SLC25A25: variants seen among roughly 807,000 people sequenced by gnomAD.
SLC25A25 encodes solute carrier family 25 member 25, also known as mitochondrial adenyl nucleotide antiporter SLC25A25.
In SLC25A25, 32 loss-of-function variants were observed where a neutral mutation model predicts 57.7. The observed-to-expected ratio is 0.55, with a 90% confidence interval of 0.42 to 0.74. The LOEUF is 0.74. Among genes scored for constraint, SLC25A25 ranks in the 30% least tolerant of loss-of-function variants. The pLI is 0.00. For missense variants in SLC25A25, 556 were observed against 701.3 expected, an observed-to-expected ratio of 0.79 and a Z score of 2.34; for synonymous variants, 306 against 291.2, an observed-to-expected ratio of 1.05 and a Z score of -0.52.
chr9:128,084,602 G>A (rs1300149166), intron 1 of SLC25A25, among the ~76,000 whole-genome samples: 1 of 13,706 alleles, frequency 7.3e-5, no homozygotes, highest in African/African-American at 9.7e-5. Context: ...CTGAACCAAT[G>A]TGTACACCTT....
intron 1 of SLC25A25, among the ~76,000 whole-genome samples, chr9:128,097,822 G>C (rs1833606960): frequency 6.6e-6 from 1 of 152,214 alleles, no homozygotes; most frequent in South Asian, 2.1e-4. Flanking sequence ...GGTGAAGGCT[G>C]GTGCTCACAT....
chr9:128,101,924 G>A lies in SLC25A25; in HGVS notation c.477-156G>A, dbSNP rs186144244. 2.0e-4 allele frequency among the ~76,000 whole-genome samples: 31 copies of A among 152,328 alleles called. No homozygotes were observed. The East Asian group carries it at 3.1e-3, about 15-fold the overall frequency. ...GCGGTCTGAACACTGGCTGGTCCTC[G>A]GGGACAGCAGCCCTGGGCTCAGCTG... On this transcript the variant is annotated intron_variant, in intron 3 of 10. Coordinates refer to ENST00000373069, the MANE Select transcript of SLC25A25 (RefSeq NM_001330988.2). This position sits in a 1 kb window ranked among gnomAD's most constrained non-coding sequence, Gnocchi z 4.9.
chr9:128,107,809 G>GGCCCCT lies in SLC25A25; in HGVS notation c.*370_*375dup. 1 of 406,676 alleles carries GGCCCCT rather than the reference G, an allele frequency of 2.5e-6. No homozygotes were observed. Among genetic ancestry groups the GGCCCCT allele is most frequent in the East Asian group, 3.5e-5 (1 of 28,266 alleles). The allele number at this position is 406,676 out of a possible 1,614,324, so 25.2% of individuals were successfully genotyped here. A position where few individuals can be genotyped will look rare whatever the true frequency, so the allele number is the denominator to read the frequency against. Reference sequence around the variant, plus strand: ...ACCCTTGCAGCCAGCTGTTGGCCACGGCCCCTGCCCTCTGGTCTGCCGTGC... The same window carrying GGCCCCT: ...ACCCTTGCAGCCAGCTGTTGGCCACGGCCCCTGCCCCTGCCCTCTGGTCTGCCGTGC... On this transcript the variant is annotated 3_prime_UTR_variant, in exon 11 of 11. Coordinates refer to ENST00000373069, the MANE Select transcript of SLC25A25 (RefSeq NM_001330988.2).
At position 128,101,961 on chromosome 9, in the gene SLC25A25, T is replaced by C; in HGVS notation, c.477-119T>C. The C allele has an allele frequency of 8.7e-7, 1 of 1,155,092 alleles. No homozygotes were observed. The highest frequency in any genetic ancestry group is 1.2e-6 in the Non-Finnish European group (1 of 807,056). 71.6% of individuals were successfully genotyped at this position (1,155,092 alleles called of 1,614,324 possible). A position where few individuals can be genotyped will look rare whatever the true frequency, so the allele number is the denominator to read the frequency against. On this transcript the variant is annotated intron_variant, in intron 3 of 10. Transcript: ENST00000373069. This position sits in a 1 kb window ranked among gnomAD's most constrained non-coding sequence, Gnocchi z 4.9. ...CCTGGGCTCAGCTGCTGTGGCGGGC[T>C]CGTCTCGTGCCGTGCTGTGCCCCTG...
At chr9:128,084,579 C>T (rs10760532) in intron 1 of SLC25A25, among the ~76,000 whole-genome samples, 107,448 of 151,922 alleles carry the variant, frequency 0.71, 41,108 homozygotes, top group Non-Finnish European at 0.85. Context: ...TCAAGTTGTC[C>T]CACCTTACCG....
intron 1 of SLC25A25, among the ~76,000 whole-genome samples, chr9:128,080,903 G>A (rs1235695220): frequency 6.6e-6 from 1 of 152,192 alleles, no homozygotes; most frequent in Non-Finnish European, 1.5e-5. Context: ...TCCTATAAAG[G>A]CATTGTAGGG....
intron 1 of SLC25A25, among the ~76,000 whole-genome samples, chr9:128,077,250 G>A (rs1833034926): frequency 1.3e-5 from 2 of 152,070 alleles, no homozygotes; most frequent in Non-Finnish European, 2.9e-5. Flanking sequence ...AGTCGCGGCC[G>A]GGCGCGGTGG....
intron 1 of SLC25A25, among the ~76,000 whole-genome samples, chr9:128,084,121 A>G (rs888736658): frequency 6.6e-6 from 1 of 152,126 alleles, no homozygotes; most frequent in Non-Finnish European, 1.5e-5. Flanking sequence ...AACCAACTGA[A>G]TGGACCTCAG....
At chr9:128,070,011 G>A (rs1435037924) in intron 1 of SLC25A25, among the ~76,000 whole-genome samples, 1 of 145,698 alleles carries the variant, frequency 6.9e-6, no homozygotes, top group Non-Finnish European at 1.5e-5. Context: ...TCCGCCTCCC[G>A]GGTTCACGCC....
chr9:128,106,933 C>T (rs751041885), intron 9 of SLC25A25, 96 bp from the exon 10 acceptor site: 219 of 1,452,916 alleles, frequency 1.5e-4, no homozygotes, highest in Non-Finnish European at 1.8e-4. Flanking sequence ...GCGCGGCAGT[C>T]GGGTTCCAGT....
chr9:128,100,221 T>C lies in SLC25A25; in HGVS notation c.262-875T>C, dbSNP rs1833732651. ...AGGGGGGTAAGTGGGTTGCTAGAAG[T>C]AAAGCATTTGGCACGCCCTGCGGCC... On this transcript the variant is annotated intron_variant, in intron 1 of 10. Coordinates refer to ENST00000373069, the MANE Select transcript of SLC25A25 (RefSeq NM_001330988.2). Among the ~76,000 whole-genome samples, 5 of 152,056 alleles carry C rather than the reference T, an allele frequency of 3.3e-5. No individual in the cohort carries two copies. The South Asian group carries it at 8.3e-4, about 25-fold the overall frequency.
chr9:128,105,926 C>T (rs1834012200), intron 7 of SLC25A25, 45 bp downstream of exon 7: 4 of 1,598,152 alleles, frequency 2.5e-6, no homozygotes, highest in Non-Finnish European at 3.4e-6. Flanking sequence ...AGTGGCTACT[C>T]ACTGCCTGGA....
At chr9:128,094,952 G>T (rs1833516479) in intron 1 of SLC25A25, among the ~76,000 whole-genome samples, 1 of 152,188 alleles carries the variant, frequency 6.6e-6, no homozygotes, top group South Asian at 2.1e-4. Flanking sequence ...ACAGATGAGG[G>T]TCTGTGCCAC....
chr9:128,092,166 G>A, intron 1 of SLC25A25: 2 of 1,528,482 alleles, frequency 1.3e-6, no homozygotes, highest in South Asian at 2.5e-5. Context: ...AACGAGTGTG[G>A]GGAGGAAGGG....
At position 128,099,268 on chromosome 9, in the gene SLC25A25, C is replaced by A. The variant is rs547289264; in HGVS notation, c.262-1828C>A. The A allele has an allele frequency of 1.4e-5, 18 of 1,289,014 alleles. No homozygotes were observed. In the African/African-American group the frequency reaches 1.7e-4, roughly 12 times the overall value. 79.8% of individuals were successfully genotyped at this position (1,289,014 alleles called of 1,614,324 possible). The stretch of plus-strand genomic sequence containing the variant: ...TCTCGGTTAATCAGTTTCCCTGCTA[C>A]CCCCAGTGCCCACTGTGCACCAAGG... On this transcript the variant is annotated intron_variant, in intron 1 of 10. Transcript: ENST00000373069. This position sits in a 1 kb window ranked among gnomAD's most constrained non-coding sequence, Gnocchi z 6.8.
intron 1 of SLC25A25, among the ~76,000 whole-genome samples, chr9:128,075,407 A>T (rs1179035504): frequency 1.3e-5 from 2 of 151,996 alleles, no homozygotes; most frequent in Non-Finnish European, 2.9e-5. Context: ...TACTGGCCAG[A>T]TGCAGTGGTT....
Position 128,103,830 on chromosome 9 carries a change from G to C in SLC25A25, c.774G>C (p.Val258=). 1 of 1,594,494 alleles carries C rather than the reference G, an allele frequency of 6.3e-7. No homozygotes were observed. The highest frequency in any genetic ancestry group is 1.7e-5 in the Admixed American group (1 of 57,732). The change falls in exon 6 of 11, where the codon GTG becomes GTC. Residue 258 remains valine (V), a synonymous_variant. Transcript: ENST00000373069. This position sits in a 1 kb window ranked among gnomAD's most constrained non-coding sequence, Gnocchi z 6.7. ...CGGCCCCCCTGGACAGGCTCAAGGT[G>C]CTCATGCAGGTATGTAGGGAAAAGG... The part of the protein sequence containing the change: ...TCTAPLDRLK[V]LMQVHASRSN...
intron 1 of SLC25A25, chr9:128,091,727 G>A: frequency 6.9e-7 from 1 of 1,455,088 alleles, no homozygotes. Flanking sequence ...GAAAAAGCAG[G>A]AAACCGCCCC....
intron 1 of SLC25A25, among the ~76,000 whole-genome samples, chr9:128,074,166 A>G (rs1319849366): frequency 6.6e-6 from 1 of 151,964 alleles, no homozygotes; most frequent in Non-Finnish European, 1.5e-5. Context: ...TAGCCTCCCA[A>G]GTAGCTGAGA....
Sources: allele counts gnomAD v4.1 joint callset (sites outside exome capture counted in the v4.1 genomes callset), GRCh38; gene constraint gnomAD v4.1.1; non-coding constraint Gnocchi (gnomAD v3.1); transcripts MANE v1.5; gene names NCBI Gene and HGNC (gene_info 2026-07-23, HGNC 2026-07-21).